The following STXBP5L variants were observed in gnomAD, a reference collection of about 807,000 sequenced individuals.
The protein encoded by STXBP5L is syntaxin binding protein 5L, also known as syntaxin-binding protein 5-like.
A neutral mutation model predicts 144.5 loss-of-function variants in STXBP5L; 65 were observed. The ratio of observed to expected loss-of-function variants is 0.45; its 90% CI spans 0.37 to 0.55. The LOEUF is 0.55. Among genes scored for constraint, STXBP5L ranks in the 20% least tolerant of loss-of-function variants. The pLI is 0.00. For missense variants in STXBP5L, 1,298 were observed against 1,405.5 expected, an observed-to-expected ratio of 0.92 and a Z score of 1.22; for synonymous variants, 505 against 469.6, an observed-to-expected ratio of 1.08 and a Z score of -0.97.
At chr3:121,035,956 C>T (rs1946720238) in intron 3 of STXBP5L, among the ~76,000 whole-genome samples, 1 of 151,972 alleles carries the variant, frequency 6.6e-6, no homozygotes, top group Non-Finnish European at 1.5e-5. Context: ...TAAACTTATT[C>T]CAAAGTATTT....
At chr3:121,356,485 G>A (rs967264405) in intron 20 of STXBP5L, among the ~76,000 whole-genome samples, 3 of 152,222 alleles carry the variant, frequency 2.0e-5, no homozygotes, top group East Asian at 3.8e-4. Context: ...GTGGGCATGG[G>A]ACCTGCTGAA....
intron 3 of STXBP5L, among the ~76,000 whole-genome samples, chr3:120,990,243 C>T (rs1207251397): frequency 6.6e-6 from 1 of 152,104 alleles, no homozygotes; most frequent in Non-Finnish European, 1.5e-5. Flanking sequence ...AGGAATCCAA[C>T]TTACAAGGGA....
intron 20 of STXBP5L, among the ~76,000 whole-genome samples, chr3:121,345,714 G>T (rs1426878903): frequency 1.3e-5 from 2 of 152,116 alleles, no homozygotes; most frequent in African/African-American, 4.8e-5. Context: ...ACTGGCATGA[G>T]ATGGTATCTC....
At chr3:121,157,657 C>T (rs1559805899) in intron 9 of STXBP5L, 30 bp downstream of exon 9, 1 of 1,579,910 alleles carries the variant, frequency 6.3e-7, no homozygotes, top group Non-Finnish European at 8.6e-7. Context: ...AAGGAATAAA[C>T]ACTGGCAATT....
At chr3:121,356,278 C>A (rs1027610461) in intron 20 of STXBP5L, among the ~76,000 whole-genome samples, 1 of 152,234 alleles carries the variant, frequency 6.6e-6, no homozygotes. Context: ...GCCTTTTGTT[C>A]AGCTAAGCCC....
chr3:120,986,479 C>T (rs1192373383), intron 3 of STXBP5L, among the ~76,000 whole-genome samples: 1 of 151,910 alleles, frequency 6.6e-6, no homozygotes, highest in Non-Finnish European at 1.5e-5. Flanking sequence ...TATGCAACTA[C>T]TATCATAGAA....
intron 5 of STXBP5L, among the ~76,000 whole-genome samples, chr3:121,057,503 C>T (rs767949321): frequency 6.6e-5 from 10 of 151,992 alleles, no homozygotes; most frequent in South Asian, 2.1e-4. Context: ...GTCACTTACC[C>T]CCAGGTATCC....
At chr3:121,237,640 T>G (rs1043402412) in intron 12 of STXBP5L, among the ~76,000 whole-genome samples, 1 of 152,242 alleles carries the variant, frequency 6.6e-6, no homozygotes, top group Non-Finnish European at 1.5e-5. Context: ...CAAATGTTAA[T>G]GCTCGTGTCC....
rs370459066 is a variant in STXBP5L at position 121,265,959 on chromosome 3, C to T, written c.1958+6791C>T. On this transcript the variant is annotated intron_variant, in intron 18 of 26. Coordinates refer to ENST00000471454, the MANE Select transcript of STXBP5L (RefSeq NM_001308330.2). ...GTCAAATCCCTGAACAGACCAATAA[C>T]AAGTTCTAAAATTGAGGCAGTAATT... 7.9e-5 allele frequency among the ~76,000 whole-genome samples: 12 copies of T among 152,174 alleles called. No homozygotes were observed. In the East Asian group the frequency reaches 1.2e-3, roughly 15 times the overall value.
chr3:121,228,705 C>T (rs190749720), intron 11 of STXBP5L, among the ~76,000 whole-genome samples: 34 of 152,112 alleles, frequency 2.2e-4, no homozygotes, highest in East Asian at 1.4e-3. Flanking sequence ...GTGAAACCCC[C>T]GTCTCTACTA....
intron 9 of STXBP5L, among the ~76,000 whole-genome samples, chr3:121,184,754 A>T (rs181920332): frequency 6.6e-6 from 1 of 152,236 alleles, no homozygotes; most frequent in Admixed American, 6.5e-5. Flanking sequence ...AACCCAAGAC[A>T]CACAATTGTC....
chr3:121,094,443 A>C (rs1339379366), intron 5 of STXBP5L, among the ~76,000 whole-genome samples: 2 of 151,890 alleles, frequency 1.3e-5, no homozygotes, highest in African/African-American at 2.4e-5. Flanking sequence ...TTGCTTTATG[A>C]GTCTGGGTGC....
At chr3:121,166,739 G>A (rs955642513) in intron 9 of STXBP5L, among the ~76,000 whole-genome samples, 1 of 152,088 alleles carries the variant, frequency 6.6e-6, no homozygotes, top group African/African-American at 2.4e-5. Flanking sequence ...ACATAGAGTA[G>A]GATTAGATTG....
At chr3:121,149,925 T>C (rs2045870568) in intron 7 of STXBP5L, among the ~76,000 whole-genome samples, 1 of 152,110 alleles carries the variant, frequency 6.6e-6, no homozygotes. Context: ...ATTTTCAGTT[T>C]TTCTTCTCTA....
intron 5 of STXBP5L, among the ~76,000 whole-genome samples, chr3:121,094,860 C>T (rs1253514331): frequency 6.6e-6 from 1 of 151,858 alleles, no homozygotes; most frequent in Non-Finnish European, 1.5e-5. Context: ...GCAGTTTCTT[C>T]CTAGTCTCGA....
At chr3:120,966,303 C>T (rs370326387) in intron 3 of STXBP5L, among the ~76,000 whole-genome samples, 5 of 152,314 alleles carry the variant, frequency 3.3e-5, no homozygotes, top group African/African-American at 1.2e-4. Context: ...AGTCATTCTC[C>T]GTCCAGCTTT....
intron 20 of STXBP5L, among the ~76,000 whole-genome samples, chr3:121,325,376 A>G (rs2044111020): frequency 6.6e-6 from 1 of 152,072 alleles, no homozygotes; most frequent in Non-Finnish European, 1.5e-5. Context: ...CTGGTGAGAA[A>G]ACTAAAGTTC....
chr3:120,921,814 A>T (rs953833382), intron 2 of STXBP5L, among the ~76,000 whole-genome samples: 1 of 151,880 alleles, frequency 6.6e-6, no homozygotes, highest in Non-Finnish European at 1.5e-5. Context: ...GTTCTGTTCC[A>T]TTGGTCTATG....
At chr3:121,078,588 G>T (rs1233006209) in intron 5 of STXBP5L, among the ~76,000 whole-genome samples, 1 of 152,240 alleles carries the variant, frequency 6.6e-6, no homozygotes, top group Admixed American at 6.5e-5. Context: ...AGGGGGTGGT[G>T]CTCTTTGGGG....
Sources: allele counts gnomAD v4.1 joint callset (sites outside exome capture counted in the v4.1 genomes callset), GRCh38; gene constraint gnomAD v4.1.1; transcripts MANE v1.5; gene names NCBI Gene and HGNC (gene_info 2026-07-23, HGNC 2026-07-21).